Variants in RASA1 observed in about 807,000 individuals in gnomAD.
RASA1 encodes the protein ras GTPase-activating protein 1.
In RASA1, 25 loss-of-function variants were observed where a neutral mutation model predicts 132.2. That is an observed-to-expected ratio of 0.19 (90% confidence interval 0.14 to 0.26). The LOEUF is 0.26. Ranked by LOEUF, RASA1 falls within the 10% of genes least tolerant of loss-of-function variation. The pLI, the probability that RASA1 is intolerant of heterozygous loss-of-function variation, is 1.00. For synonymous variants in RASA1, 477 were observed against 449.9 expected, an observed-to-expected ratio of 1.06 and a Z score of -0.76; for missense variants, 964 against 1,299.2, an observed-to-expected ratio of 0.74 and a Z score of 3.97.
intron 1 of RASA1, among the ~76,000 whole-genome samples, chr5:87,283,940 G>T (rs908830107): frequency 2.2e-4 from 34 of 152,028 alleles, no homozygotes; most frequent in African/African-American, 7.2e-4. Context: ...CATTCTGGAG[G>T]TTATCTCAGG....
intron 1 of RASA1, among the ~76,000 whole-genome samples, chr5:87,303,478 A>G (rs1755469242): frequency 6.6e-6 from 1 of 152,032 alleles, no homozygotes; most frequent in African/African-American, 2.4e-5. Flanking sequence ...TTTCCCTTCA[A>G]GCATAACTTC....
intron 11 of RASA1, among the ~76,000 whole-genome samples, chr5:87,368,487 T>C (rs1760690085): frequency 6.6e-6 from 1 of 152,210 alleles, no homozygotes; most frequent in Non-Finnish European, 1.5e-5. Flanking sequence ...TTAGTTTGAC[T>C]AAGTGGTAGA....
Position 87,268,603 on chromosome 5 carries a change from G to A in RASA1, c.152G>A (p.Gly51Glu). 1 of 1,611,832 alleles carries A rather than the reference G, an allele frequency of 6.2e-7. No homozygotes were observed. Among genetic ancestry groups the A allele is most frequent in the East Asian group, 2.2e-5 (1 of 44,818 alleles). ...ALPVAAAPYP[G>E]LVETGVAGTL... ...CCTGTGGCAGCCGCCCCCTATCCTGGGCTGGTGGAGACCGGAGTGGCTGGA... is the reference window on the plus strand; with the variant it reads ...CCTGTGGCAGCCGCCCCCTATCCTGAGCTGGTGGAGACCGGAGTGGCTGGA... Residue 51 changes from glycine (G) to glutamate (E), a missense_variant, in exon 1 of 25, where the codon GGG (glycine) becomes GAG (glutamate). This residue lies in a region of RASA1 where 326 missense variants were observed against 275.8 expected (regional missense o/e 1.18). Transcript: ENST00000274376.
At chr5:87,350,241 G>A (rs1381013997) in intron 8 of RASA1, among the ~76,000 whole-genome samples, 2 of 151,966 alleles carry the variant, frequency 1.3e-5, no homozygotes, top group East Asian at 1.9e-4. Context: ...AATGTAAGAT[G>A]TGAGTCTAGG....
intron 4 of RASA1, among the ~76,000 whole-genome samples, chr5:87,335,631 G>A (rs552129449): frequency 9.3e-4 from 142 of 151,908 alleles, no homozygotes; most frequent in Admixed American, 2.6e-3. Flanking sequence ...TCACCATGTT[G>A]GCCAGGGTAG....
intron 1 of RASA1, among the ~76,000 whole-genome samples, chr5:87,310,225 T>C (rs1755811479): frequency 6.6e-6 from 1 of 152,074 alleles, no homozygotes; most frequent in Non-Finnish European, 1.5e-5. Context: ...ATGAGGATCA[T>C]AGCAAACTAT....
intron 1 of RASA1, among the ~76,000 whole-genome samples, chr5:87,313,459 G>A (rs1004674693): frequency 2.6e-5 from 4 of 152,170 alleles, no homozygotes; most frequent in Non-Finnish European, 5.9e-5. Flanking sequence ...GGCTAGATAC[G>A]TGGATTTCAG....
chr5:87,390,594 T>A (rs1333538640), intron 24 of RASA1, among the ~76,000 whole-genome samples: 1 of 152,168 alleles, frequency 6.6e-6, no homozygotes, highest in Non-Finnish European at 1.5e-5. Context: ...AAATTTCTGT[T>A]CACTTTAGGG....
chr5:87,337,365 G>GGT (rs1028105703), intron 4 of RASA1, among the ~76,000 whole-genome samples: 2 of 151,886 alleles, frequency 1.3e-5, no homozygotes, highest in Non-Finnish European at 2.9e-5. Context: ...TATATCCCTT[G>GGT]GTACCTACCA....
At chr5:87,368,634 C>T (rs1760704531) in intron 11 of RASA1, among the ~76,000 whole-genome samples, 1 of 152,194 alleles carries the variant, frequency 6.6e-6, no homozygotes, top group Admixed American at 6.6e-5. Flanking sequence ...CACAGCCCTT[C>T]AGGGGTCTCA....
chr5:87,274,780 C>T (rs1225410874), intron 1 of RASA1, among the ~76,000 whole-genome samples: 2 of 152,100 alleles, frequency 1.3e-5, no homozygotes, highest in Non-Finnish European at 2.9e-5. Flanking sequence ...TTTCCTGCTA[C>T]TTAATTTATT....
At chr5:87,348,583 T>C (rs926999098) in intron 7 of RASA1, among the ~76,000 whole-genome samples, 5 of 152,030 alleles carry the variant, frequency 3.3e-5, no homozygotes, top group African/African-American at 2.4e-5. Flanking sequence ...TCAGTTGTTT[T>C]GAATCTACCT....
intron 1 of RASA1, among the ~76,000 whole-genome samples, chr5:87,311,369 C>T (rs1478005806): frequency 6.6e-6 from 1 of 152,196 alleles, no homozygotes; most frequent in Non-Finnish European, 1.5e-5. Flanking sequence ...TTCCCAAATA[C>T]TTAATGACTT....
intron 15 of RASA1, 150 bp from the exon 16 acceptor site, chr5:87,376,243 A>G (rs1761319283): frequency 3.4e-6 from 3 of 873,482 alleles, no homozygotes; most frequent in Middle Eastern, 3.4e-4. Flanking sequence ...TAAATAAACA[A>G]CTAAATATTG....
At chr5:87,367,481 C>T (rs1372967596) in intron 11 of RASA1, among the ~76,000 whole-genome samples, 3 of 152,134 alleles carry the variant, frequency 2.0e-5, no homozygotes, top group African/African-American at 4.8e-5. Context: ...TGATGCTGAA[C>T]GAATGTTGGA....
At chr5:87,366,954 C>T (rs1247045078) in intron 11 of RASA1, among the ~76,000 whole-genome samples, 2 of 152,140 alleles carry the variant, frequency 1.3e-5, no homozygotes, top group Admixed American at 1.3e-4. Flanking sequence ...ATTGTCTGAG[C>T]CCAGGCTCAC....
At chr5:87,361,100 G>T (rs530864279) in intron 9 of RASA1, among the ~76,000 whole-genome samples, 1 of 152,102 alleles carries the variant, frequency 6.6e-6, no homozygotes, top group African/African-American at 2.4e-5. Context: ...CCAGCGGTTG[G>T]CAAAAGTTTT....
chr5:87,372,263 AT>A, intron 13 of RASA1, 68 bp downstream of exon 13: 2 of 1,430,638 alleles, frequency 1.4e-6, no homozygotes, highest in Non-Finnish European at 2.0e-6. Flanking sequence ...TTTTTATTTT[AT>A]TTTTATCTGA....
At chr5:87,303,517 C>T (rs1372196439) in intron 1 of RASA1, among the ~76,000 whole-genome samples, 3 of 152,000 alleles carry the variant, frequency 2.0e-5, no homozygotes, top group Non-Finnish European at 2.9e-5. Flanking sequence ...GTTATATGAC[C>T]TGTCTGCATT....
Sources: allele counts gnomAD v4.1 joint callset (sites outside exome capture counted in the v4.1 genomes callset), GRCh38; gene constraint gnomAD v4.1.1; regional missense constraint gnomAD v4.1.1; transcripts MANE v1.5; gene names NCBI Gene and HGNC (gene_info 2026-07-23, HGNC 2026-07-21).